Variants in WNK1 observed in about 807,000 individuals in gnomAD.
The protein encoded by WNK1 is serine/threonine-protein kinase WNK1.
A neutral mutation model predicts 222.8 loss-of-function variants in WNK1; 38 were observed. That is an observed-to-expected ratio of 0.17 (90% CI 0.13 to 0.22). WNK1 has a LOEUF of 0.22. WNK1 is among the 10% of genes least tolerant of loss of function. WNK1 has a pLI of 1.00. For synonymous variants in WNK1, 1,090 were observed against 1,092.9 expected, an observed-to-expected ratio of 1.00 and a Z score of 0.05; for missense variants, 2,348 against 2,918.4, an observed-to-expected ratio of 0.80 and a Z score of 4.50.
At chr12:897,398 A>G in intron 24 of WNK1, 81 bp from the exon 25 acceptor site, 1 of 913,840 alleles carries the variant, frequency 1.1e-6, no homozygotes, top group Non-Finnish European at 1.8e-6. Flanking sequence ...ACTTGAAAGC[A>G]GGTTTAGGAA....
chr12:866,279 T>A (rs908448337), intron 8 of WNK1, among the ~76,000 whole-genome samples: 7 of 152,216 alleles, frequency 4.6e-5, no homozygotes, highest in Non-Finnish European at 7.3e-5. Context: ...GCCAGCTCGA[T>A]AAGGATCTTC....
chr12:797,066 A>G (rs1036156569), intron 1 of WNK1, among the ~76,000 whole-genome samples: 2 of 152,204 alleles, frequency 1.3e-5, no homozygotes, highest in African/African-American at 4.8e-5. Flanking sequence ...TTAAGTTACT[A>G]TACATATGCT....
In WNK1 at chr12:865,141, T is replaced by TC. The variant is rs2154069013; in HGVS notation, c.2139+2871_2139+2872insC. On this transcript the variant is annotated intron_variant, in intron 8 of 27. Coordinates refer to ENST00000315939, the MANE Select transcript of WNK1 (RefSeq NM_018979.4). ...CGTGGCCGTAGCATGTCGGTTTGTGTTCCCATCTTTCTGCTGTTGCCTCTG... is the reference window on the plus strand; with the variant it reads ...CGTGGCCGTAGCATGTCGGTTTGTGTCTCCCATCTTTCTGCTGTTGCCTCTG... 5 of 1,519,852 alleles carry TC rather than the reference T, an allele frequency of 3.3e-6. No individual in the cohort carries two copies. The highest frequency in any genetic ancestry group is 4.4e-6 in the Non-Finnish European group (5 of 1,137,928). The allele number at this position is 1,519,852 out of a possible 1,614,324, so 94.1% of individuals were successfully genotyped here.
At chr12:785,611 G>T (rs940168962) in intron 1 of WNK1, among the ~76,000 whole-genome samples, 1 of 151,830 alleles carries the variant, frequency 6.6e-6, no homozygotes, top group Non-Finnish European at 1.5e-5. Context: ...GTTCGCCAGG[G>T]TGATCTGGAT....
chr12:843,549 G>C (rs1294513323), intron 4 of WNK1, among the ~76,000 whole-genome samples: 3 of 152,242 alleles, frequency 2.0e-5, no homozygotes, highest in Admixed American at 2.0e-4. Flanking sequence ...TCTCATATCT[G>C]CTTTTCTGTT....
chr12:865,744 A>AT (rs958927892), intron 8 of WNK1, among the ~76,000 whole-genome samples: 9 of 151,644 alleles, frequency 5.9e-5, no homozygotes, highest in African/African-American at 1.9e-4. Flanking sequence ...TTACCCAAAC[A>AT]TTTTTTCTCC....
rs755841814 is a variant in WNK1, at chr12:753,881, A to T, written c.316A>T (p.Ser106Cys). 1 of 1,612,100 alleles carries T rather than the reference A, an allele frequency of 6.2e-7. No homozygotes were observed. Among genetic ancestry groups the T allele is most frequent in the Non-Finnish European group, 8.5e-7 (1 of 1,179,732 alleles). The stretch of plus-strand genomic sequence containing the variant: ...CCTTCCTCTTTCCCTGCCCCAGCCC[A>T]GCATCCCCGCGGCTGTCCCGCAGAG... The part of the protein sequence containing the change: ...PGLPLSLPQP[S>C]IPAAVPQSAP... Residue 106 changes from serine (S) to cysteine (C), a missense_variant, in exon 1 of 28, where the codon AGC becomes TGC. Around this residue, in one of 13 missense-constraint regions of WNK1, gnomAD observed 185 missense variants for 159.2 expected, o/e 1.16. Transcript: ENST00000315939. The surrounding 1 kb of genome is among the most constrained non-coding windows in gnomAD (Gnocchi z 5.2).
chr12:763,891 T>A (rs1941356052), intron 1 of WNK1, among the ~76,000 whole-genome samples: 1 of 147,010 alleles, frequency 6.8e-6, no homozygotes, highest in Non-Finnish European at 1.5e-5. Flanking sequence ...AAATCAAAGG[T>A]TTTTTTTAAG....
chr12:885,315 A>G lies in WNK1; in HGVS notation c.4511A>G (p.Gln1504Arg), dbSNP rs764608991. 3 of 1,614,172 alleles carry G rather than the reference A, an allele frequency of 1.9e-6. No homozygotes were observed. The highest frequency in any genetic ancestry group is 2.5e-6 in the Non-Finnish European group (3 of 1,180,038). ...ACTTCATTCCCAAGCACAGCTTCAC[A>G]GCTGTGCATTCAGCTTAGCAGCAGT... ...TTTSFPSTAS[Q>R]LCIQLSSSTS... Residue 1504 changes from glutamine (Q) to arginine (R), a missense_variant, in exon 19 of 28, where the codon CAG becomes CGG. Around this residue, in one of 13 missense-constraint regions of WNK1, gnomAD observed 1,144 missense variants for 1,273.6 expected, o/e 0.90. Coordinates refer to ENST00000315939, the MANE Select transcript of WNK1 (RefSeq NM_018979.4).
intron 1 of WNK1, among the ~76,000 whole-genome samples, chr12:764,683 A>G (rs1357256471): frequency 2.8e-5 from 4 of 144,436 alleles, no homozygotes; most frequent in African/African-American, 9.8e-5. Context: ...ATTCCCACTG[A>G]GAAACAGCCC....
intron 1 of WNK1, among the ~76,000 whole-genome samples, chr12:807,876 C>T (rs1354599359): frequency 6.6e-6 from 1 of 151,846 alleles, no homozygotes; most frequent in Non-Finnish European, 1.5e-5. Flanking sequence ...CGCGCCACTA[C>T]GCCTGGCTAA....
intron 26 of WNK1, chr12:901,093 A>G: frequency 3.4e-6 from 1 of 295,726 alleles, no homozygotes; most frequent in South Asian, 3.4e-5. Flanking sequence ...CTTACAATTC[A>G]GTTTTTTATC....
intron 6 of WNK1, among the ~76,000 whole-genome samples, 185 bp downstream of exon 6, chr12:859,649 ACTT>A (rs1417710247): frequency 1.9e-5 from 1 of 53,520 alleles, no homozygotes; most frequent in African/African-American, 6.6e-5. Flanking sequence ...TTTTTTTTAA[ACTT>A]CTTTGTATTG....
chr12:830,101 T>A lies in WNK1; in HGVS notation c.1252T>A (p.Ser418Thr). ...FGMCMLEMAT[S>T]EYPYSECQNA... is the part of the protein sequence containing the mutation. ...GATGTGCATGCTTGAGATGGCTACA[T>A]CTGAATATCCTTACTCGGAGTGCCA... Residue 418 changes from serine to threonine, a missense_variant, in exon 4 of 28, where the codon TCT becomes ACT. Transcript: ENST00000315939. 1 of 1,614,188 alleles carries A rather than the reference T, an allele frequency of 6.2e-7. No individual in the cohort carries two copies. The highest frequency in any genetic ancestry group is 8.5e-7 in the Non-Finnish European group (1 of 1,180,020).
intron 1 of WNK1, 130 bp downstream of exon 1, chr12:754,454 T>C (rs1250672233): frequency 1.8e-6 from 2 of 1,111,830 alleles, no homozygotes; most frequent in African/African-American, 1.5e-5. Flanking sequence ...AGGCCAACTT[T>C]TGAAAGGGGC....
Position 813,689 on chromosome 12 carries a change from T to C in WNK1, c.807T>C (p.Ala269=), listed in dbSNP as rs770446632. The change falls in exon 2 of 28, where the codon GCT becomes GCC. Residue 269 remains alanine (A), a synonymous_variant. Transcript: ENST00000315939. ...KSERQRFKEE[A]EMLKGLQHPN... ...AGAGGCAGAGATTTAAAGAAGAAGCTGAAATGTTAAAAGGTCTTCAGCATC... is the reference window on the plus strand; with the variant it reads ...AGAGGCAGAGATTTAAAGAAGAAGCCGAAATGTTAAAAGGTCTTCAGCATC... 2 of 1,613,946 alleles carry C rather than the reference T, an allele frequency of 1.2e-6. No homozygotes were observed. The highest frequency in any genetic ancestry group is 1.1e-5 in the South Asian group (1 of 91,084).
In WNK1 at chr12:885,192, G is replaced by C; in HGVS notation, c.4388G>C (p.Ser1463Thr). 6.2e-7 allele frequency: 1 copy of C among 1,614,176 alleles called. No individual in the cohort carries two copies. Among genetic ancestry groups the C allele is most frequent in the East Asian group, 2.2e-5 (1 of 44,886 alleles). Reference sequence around the variant, plus strand: ...GCAACTTCAGCCTCTGCAGGGGGCAGTACTGCTACCCCAGGTCCTAAGCCT... The same window carrying C: ...GCAACTTCAGCCTCTGCAGGGGGCACTACTGCTACCCCAGGTCCTAAGCCT... ...VSATSASAGG[S>T]TATPGPKPPA... The change falls in exon 19 of 28, where the codon AGT becomes ACT. Residue 1463 changes from serine (S) to threonine (T), a missense_variant. Physicochemically the swap from Ser to Thr is moderately conservative, Grantham distance 58. Coordinates refer to ENST00000315939, the MANE Select transcript of WNK1 (RefSeq NM_018979.4).
At chr12:786,543 C>T (rs1336161612) in intron 1 of WNK1, among the ~76,000 whole-genome samples, 6 of 150,278 alleles carry the variant, frequency 4.0e-5, no homozygotes. Flanking sequence ...TCTTGGCTCA[C>T]TGCAACTTCT....
At position 911,128 on chromosome 12, in the gene WNK1, T is replaced by G; in HGVS notation, c.*2336T>G. 2.5e-6 allele frequency: 1 copy of G among 395,922 alleles called. No homozygotes were observed. Among genetic ancestry groups the G allele is most frequent in the Non-Finnish European group, 4.4e-6 (1 of 225,090 alleles). 24.5% of individuals were successfully genotyped at this position (395,922 alleles called of 1,614,324 possible). A position where few individuals can be genotyped will look rare whatever the true frequency, so the allele number is the denominator to read the frequency against. Reference sequence around the variant, plus strand: ...ACTGTTGATTTCATCCTCCTGTGTATGAAATAACAAGCCTAGAGGAATGAA... The same window carrying G: ...ACTGTTGATTTCATCCTCCTGTGTAGGAAATAACAAGCCTAGAGGAATGAA... On this transcript the variant is annotated 3_prime_UTR_variant, in exon 28 of 28. Coordinates refer to ENST00000315939, the MANE Select transcript of WNK1 (RefSeq NM_018979.4).
Sources: gnomAD v4.1 joint callset for allele counts (sites outside exome capture counted in the v4.1 genomes callset) on GRCh38, gnomAD v4.1.1 for gene constraint, gnomAD v4.1.1 regional missense constraint, Gnocchi (gnomAD v3.1) non-coding constraint, MANE v1.5 for transcripts, NCBI Gene and HGNC (gene_info 2026-07-23, HGNC 2026-07-21) for gene names.